TTC28: variants seen among roughly 807,000 people sequenced by gnomAD.
The protein encoded by TTC28 is tetratricopeptide repeat domain 28.
In TTC28, 61 loss-of-function variants were observed where a neutral mutation model predicts 198.0. The ratio of observed to expected loss-of-function variants is 0.31; its 90% CI spans 0.25 to 0.38. The LOEUF is 0.38. TTC28 is among the 10% of genes least tolerant of loss of function. The pLI is 1.00. For missense variants in TTC28, 2,678 were observed against 3,164.0 expected (o/e 0.85, Z 3.69); for synonymous variants, 1,171 against 1,297.8 (o/e 0.90, Z 2.10).
chr22:28,499,018 A>C (rs1188405774), intron 2 of TTC28, among the ~76,000 whole-genome samples: 2 of 152,016 alleles, frequency 1.3e-5, no homozygotes, highest in African/African-American at 4.8e-5. Flanking sequence ...TCTGCAAAAA[A>C]AATTTTTTTT....
chr22:28,549,675 T>A (rs2049622490), intron 2 of TTC28, among the ~76,000 whole-genome samples: 4 of 152,196 alleles, frequency 2.6e-5, no homozygotes, highest in Admixed American at 2.6e-4. Context: ...CTTTAAATTT[T>A]AAAATACATA....
At chr22:28,285,007 C>A (rs556506347) in intron 5 of TTC28, among the ~76,000 whole-genome samples, 5 of 152,246 alleles carry the variant, frequency 3.3e-5, no homozygotes, top group Admixed American at 2.6e-4. Context: ...ATATCCAAAG[C>A]AAATGAAATC....
intron 12 of TTC28, among the ~76,000 whole-genome samples, chr22:28,084,433 G>C (rs1475238657): frequency 6.6e-6 from 1 of 152,180 alleles, no homozygotes; most frequent in Admixed American, 6.5e-5. Flanking sequence ...AACTCCAACA[G>C]ACCTGCAGCT....
chr22:28,022,727 G>T (rs976840876), intron 13 of TTC28, among the ~76,000 whole-genome samples: 3 of 152,242 alleles, frequency 2.0e-5, no homozygotes, highest in African/African-American at 7.2e-5. Context: ...TTCTGAGGTA[G>T]CTGGCCTGAG....
At chr22:28,553,704 G>C (rs947435553) in intron 2 of TTC28, among the ~76,000 whole-genome samples, 126 of 151,704 alleles carry the variant, frequency 8.3e-4, no homozygotes, top group African/African-American at 2.9e-3. Flanking sequence ...GAGGGAGGTG[G>C]GGGGTCAGCC....
rs374983996 is a variant in TTC28, at chr22:27,992,892, G to A, written c.5477-229C>T. ...CTGACCCTGCCGCAGTCCTCTAGGC[G>A]TGGCCACACTCCCAGGACCCAGGCA... On this transcript the variant is annotated intron_variant, in intron 18 of 22. Transcript: ENST00000397906. 8.2e-5 allele frequency: 48 copies of A among 582,416 alleles called. 1 individual carries two copies. Among genetic ancestry groups the A allele is most frequent in the African/African-American group, 7.3e-4 (39 of 53,536 alleles). The allele number at this position is 582,416 out of a possible 1,614,324, so 36.1% of individuals were successfully genotyped here.
At chr22:28,234,949 G>A (rs1332356260) in intron 5 of TTC28, among the ~76,000 whole-genome samples, 1 of 152,196 alleles carries the variant, frequency 6.6e-6, no homozygotes, top group African/African-American at 2.4e-5. Context: ...TCCAACTTGA[G>A]TTGTGATCTT....
chr22:28,240,609 T>TA (rs1426779609), intron 5 of TTC28, among the ~76,000 whole-genome samples: 3 of 152,156 alleles, frequency 2.0e-5, no homozygotes, highest in African/African-American at 7.2e-5. Context: ...AAAACATTGA[T>TA]ACCTCATTAG....
intron 6 of TTC28, among the ~76,000 whole-genome samples, chr22:28,112,927 C>T (rs1406771369): frequency 6.6e-6 from 1 of 152,258 alleles, no homozygotes; most frequent in East Asian, 1.9e-4. Context: ...ATTTATACAT[C>T]GTCACAGCAG....
At chr22:28,340,893 AACATTTTACATTTTAATATATGCTCC>A (rs774391127) in intron 2 of TTC28, among the ~76,000 whole-genome samples, 52 of 152,264 alleles carry the variant, frequency 3.4e-4, no homozygotes, top group Non-Finnish European at 5.7e-4. Flanking sequence ...CAGAGAAAAT[AACATTTTACATTTTAATATATGCTCC>A]ACATTGGTTG....
intron 2 of TTC28, among the ~76,000 whole-genome samples, chr22:28,384,994 A>G (rs902404631): frequency 7.3e-5 from 11 of 151,682 alleles, no homozygotes; most frequent in African/African-American, 2.7e-4. Flanking sequence ...AATAAAAATT[A>G]GCTGGGCATG....
intron 1 of TTC28, among the ~76,000 whole-genome samples, chr22:28,636,768 A>T (rs2051279602): frequency 6.6e-6 from 1 of 152,140 alleles, no homozygotes; most frequent in Non-Finnish European, 1.5e-5. Context: ...TATATTTTGG[A>T]TATTAACCCT....
intron 5 of TTC28, among the ~76,000 whole-genome samples, chr22:28,254,146 GAAAGT>G (rs1167703776): frequency 6.6e-6 from 1 of 151,678 alleles, no homozygotes; most frequent in Non-Finnish European, 1.5e-5. Context: ...GTTTTGAAAG[GAAAGT>G]AATGAGTCCA....
chr22:28,186,495 G>A (rs1006660200), intron 5 of TTC28, among the ~76,000 whole-genome samples: 5 of 152,270 alleles, frequency 3.3e-5, no homozygotes, highest in Admixed American at 2.6e-4. Flanking sequence ...CAGGGATACA[G>A]ATGGTTTTCA....
chr22:28,293,502 G>A lies in TTC28; in HGVS notation c.933+2696C>T, dbSNP rs545072021. 2.1e-3 allele frequency among the ~76,000 whole-genome samples: 320 copies of A among 152,160 alleles called. 2 individuals are homozygous for A. The highest frequency in any genetic ancestry group is 0.02 in the Middle Eastern group (6 of 294). The stretch of plus-strand genomic sequence containing the variant: ...GAGGAATGGGGAGATGTTGGTTAAA[G>A]GGTATACGGTTTCAGTTATGTAGGA... On this transcript the variant is annotated intron_variant, in intron 5 of 22. Transcript: ENST00000397906.
At chr22:28,606,154 G>A (rs1355739101) in intron 2 of TTC28, among the ~76,000 whole-genome samples, 1 of 151,544 alleles carries the variant, frequency 6.6e-6, no homozygotes, top group Non-Finnish European at 1.5e-5. Context: ...CACGATCTCG[G>A]CTCACTGCAA....
chr22:28,251,824 TTCTC>T (rs377432083), intron 5 of TTC28, among the ~76,000 whole-genome samples: 7 of 151,758 alleles, frequency 4.6e-5, no homozygotes, highest in African/African-American at 9.7e-5. Context: ...GAATCAGAAA[TTCTC>T]TCTCTCTCTC....
chr22:27,998,032 G>A (rs191397978), intron 16 of TTC28: 1 of 164,008 alleles, frequency 6.1e-6, no homozygotes, highest in Non-Finnish European at 1.3e-5. Context: ...GAACATGCAG[G>A]GCTTGAAGCT....
At chr22:28,599,729 T>C (rs745716642) in intron 2 of TTC28, among the ~76,000 whole-genome samples, 12 of 152,170 alleles carry the variant, frequency 7.9e-5, no homozygotes, top group Non-Finnish European at 1.3e-4. Flanking sequence ...ATTGAGACTT[T>C]AAAGCAGTTA....
Sources: gnomAD v4.1 joint callset for allele counts (sites outside exome capture counted in the v4.1 genomes callset) on GRCh38, gnomAD v4.1.1 for gene constraint, MANE v1.5 for transcripts, NCBI Gene and HGNC (gene_info 2026-07-23, HGNC 2026-07-21) for gene names.